HMBOX1: variants seen among roughly 807,000 people sequenced by gnomAD.
HMBOX1 encodes the protein homeobox-containing protein 1.
In HMBOX1, 14 loss-of-function variants were observed where a neutral mutation model predicts 54.5. That is an observed-to-expected ratio of 0.26 (90% CI 0.17 to 0.40). The LOEUF (loss-of-function observed/expected upper bound fraction) is 0.40, where lower values mean the gene tolerates loss of function less well. Ranked by LOEUF, HMBOX1 falls within the 10% of genes least tolerant of loss-of-function variation. HMBOX1 has a pLI of 1.00. For missense variants in HMBOX1, 332 were observed against 514.4 expected, an observed-to-expected ratio of 0.65 and a Z score of 3.43; for synonymous variants, 160 against 181.0, an observed-to-expected ratio of 0.88 and a Z score of 0.93.
intron 1 of HMBOX1, among the ~76,000 whole-genome samples, chr8:28,943,877 T>A (rs960110915): frequency 6.6e-6 from 1 of 152,196 alleles, no homozygotes; most frequent in African/African-American, 2.4e-5. Context: ...GCACTTCTTC[T>A]GTAAAAACAG....
At chr8:28,980,038 T>TA in intron 3 of HMBOX1, 33 bp from the exon 4 acceptor site, 1 of 1,461,424 alleles carries the variant, frequency 6.8e-7, no homozygotes, top group Non-Finnish European at 9.6e-7. Flanking sequence ...ACCTTCAACA[T>TA]ACATTGTTGG....
At chr8:29,038,010 G>C (rs1804187591) in intron 6 of HMBOX1, among the ~76,000 whole-genome samples, 1 of 152,198 alleles carries the variant, frequency 6.6e-6, no homozygotes, top group African/African-American at 2.4e-5. Context: ...TATCTCTTTA[G>C]CAGAGATAGT....
intron 5 of HMBOX1, chr8:29,009,543 TTGC>T: frequency 1.3e-6 from 1 of 758,694 alleles, no homozygotes; most frequent in Non-Finnish European, 1.6e-6. Context: ...TTTTTTTTTT[TTGC>T]AAATCTTGTT....
intron 1 of HMBOX1, among the ~76,000 whole-genome samples, chr8:28,931,700 C>T (rs1819495529): frequency 6.6e-6 from 1 of 152,046 alleles, no homozygotes; most frequent in South Asian, 2.1e-4. Context: ...TACCACTGTG[C>T]CCAGCTTATT....
At chr8:28,953,544 TTCTTC>T (rs1432694556) in intron 1 of HMBOX1, among the ~76,000 whole-genome samples, 7 of 152,234 alleles carry the variant, frequency 4.6e-5, no homozygotes, top group African/African-American at 1.7e-4. Context: ...TTACTTTATT[TTCTTC>T]TCTTCTGGTA....
chr8:28,991,014 G>A (rs1226331756), intron 4 of HMBOX1, among the ~76,000 whole-genome samples: 1 of 152,164 alleles, frequency 6.6e-6, no homozygotes, highest in African/African-American at 2.4e-5. Flanking sequence ...GGCCTCATGA[G>A]ATAAGTTGGG....
chr8:28,895,600 G>GGGA (rs912836347), intron 1 of HMBOX1, among the ~76,000 whole-genome samples: 5 of 152,010 alleles, frequency 3.3e-5, no homozygotes, highest in African/African-American at 1.2e-4. Flanking sequence ...GCTTGAACCT[G>GGGA]GGAGGTGGAG....
chr8:28,937,879 ATACT>A (rs149102099), intron 1 of HMBOX1, among the ~76,000 whole-genome samples: 12,749 of 152,128 alleles, frequency 0.084, 662 homozygotes, highest in South Asian at 0.24. Flanking sequence ...GTATATTATG[ATACT>A]TAGTTTTTTC....
chr8:28,963,312 A>G (rs1825921302), intron 1 of HMBOX1, among the ~76,000 whole-genome samples: 1 of 152,180 alleles, frequency 6.6e-6, no homozygotes, highest in African/African-American at 2.4e-5. Context: ...AAAATTATCT[A>G]CAACAGGAAC....
At chr8:29,010,226 A>AC (rs1183617745) in intron 5 of HMBOX1, 1 of 712,516 alleles carries the variant, frequency 1.4e-6, no homozygotes, top group East Asian at 1.3e-4. Context: ...CAAAAGACTA[A>AC]CACAGTAGAC....
chr8:28,963,853 C>T lies in HMBOX1; in HGVS notation c.-15C>T, dbSNP rs375170302. The T allele has an allele frequency of 1.0e-5, 16 of 1,595,168 alleles. No individual in the cohort carries two copies. Among genetic ancestry groups the T allele is most frequent in the East Asian group, 6.7e-5 (3 of 44,604 alleles). On this transcript the variant is annotated 5_prime_UTR_variant, in exon 2 of 10. Transcript: ENST00000287701. ...ATCATCTCTGGAAAGGATATTGATC[C>T]GCCTCATGTAAAGTATGCTTAGTTC...
intron 4 of HMBOX1, among the ~76,000 whole-genome samples, chr8:28,986,318 A>G (rs1392895946): frequency 6.6e-6 from 1 of 152,212 alleles, no homozygotes; most frequent in Non-Finnish European, 1.5e-5. Flanking sequence ...CACCTACTGG[A>G]TAGCATCTTG....
In HMBOX1 at chr8:28,900,801, G is replaced by GT. The variant is rs138414409; in HGVS notation, c.-58+10129dup. ...TCTGGTAAGCGAGTTTTTTTTGTTT[G>GT]TTTTTTAACCTTATATACTTTGGAA... On this transcript the variant is annotated intron_variant, in intron 1 of 9. Transcript: ENST00000287701. Among the ~76,000 whole-genome samples, 862 of 151,748 alleles carry GT rather than the reference G, an allele frequency of 5.7e-3. 4 individuals carry two copies. Among genetic ancestry groups the GT allele is most frequent in the African/African-American group, 0.02 (838 of 41,400 alleles).
intron 1 of HMBOX1, among the ~76,000 whole-genome samples, chr8:28,951,541 T>A (rs1823416773): frequency 1.3e-5 from 2 of 152,184 alleles, no homozygotes; most frequent in African/African-American, 4.8e-5. Flanking sequence ...TAAGACTATT[T>A]TGTTTAACAA....
rs965816004 is a variant in HMBOX1 at position 28,992,787 on chromosome 8, G to A, written c.586+12631G>A. Among the ~76,000 whole-genome samples the A allele has an allele frequency of 7.7e-5, 11 of 142,926 alleles. 1 individual carries two copies. The highest frequency in any genetic ancestry group is 2.2e-4 in the Admixed American group (3 of 13,666). The allele number at this position is 142,926 out of a possible 152,430, so 93.8% of individuals were successfully genotyped here. ...CAGGAGGCTGAGGCAGGAGAATCGT[G>A]TGAACCTGGGAGGTGGAGGTTGCAG... On this transcript the variant is annotated intron_variant, in intron 4 of 9. Transcript: ENST00000287701.
intron 1 of HMBOX1, among the ~76,000 whole-genome samples, chr8:28,955,007 T>G (rs1485476581): frequency 6.6e-6 from 1 of 152,180 alleles, no homozygotes; most frequent in Non-Finnish European, 1.5e-5. Flanking sequence ...GATTATGTTT[T>G]TCTTCAGAGG....
chr8:28,932,063 G>C (rs1819566032), intron 1 of HMBOX1, among the ~76,000 whole-genome samples: 4 of 152,148 alleles, frequency 2.6e-5, no homozygotes, highest in Admixed American at 1.3e-4. Flanking sequence ...GCTCAAGAAA[G>C]GTCTCTTTGA....
chr8:28,990,591 A>C (rs1162606047), intron 4 of HMBOX1, among the ~76,000 whole-genome samples: 2 of 152,150 alleles, frequency 1.3e-5, no homozygotes, highest in Non-Finnish European at 2.9e-5. Flanking sequence ...CATGAGGGAC[A>C]TTCTGGGTTT....
At chr8:28,964,998 C>T (rs1826201250) in intron 2 of HMBOX1, among the ~76,000 whole-genome samples, 3 of 152,152 alleles carry the variant, frequency 2.0e-5, no homozygotes, top group Admixed American at 2.0e-4. Flanking sequence ...TTATTTTTAA[C>T]TGCTCAAAGC....
Sources: allele counts gnomAD v4.1 joint callset (sites outside exome capture counted in the v4.1 genomes callset), GRCh38; gene constraint gnomAD v4.1.1; transcripts MANE v1.5; gene names NCBI Gene and HGNC (gene_info 2026-07-23, HGNC 2026-07-21).